The following FHL5 variants were observed in gnomAD, a reference collection of about 807,000 sequenced individuals.
FHL5 encodes the protein four and a half LIM domains 5, also known as four and a half LIM domains protein 5.
FHL5 carries 33 observed loss-of-function variants against 32.0 expected under a neutral mutation model. The observed-to-expected ratio is 1.03, with a 90% CI of 0.78 to 1.38. The LOEUF (loss-of-function observed/expected upper bound fraction) is 1.38. FHL5 is among the 40% of genes most tolerant of loss of function. The probability of loss-of-function intolerance (pLI) is 0.00; values close to 1 mark genes in which losing one functional copy is unlikely to be tolerated. For synonymous variants in FHL5, 114 were observed against 113.6 expected (o/e 1.00, Z -0.02); for missense variants, 336 against 343.9 (o/e 0.98, Z 0.18).
intron 1 of FHL5, among the ~76,000 whole-genome samples, chr6:96,590,848 G>C (rs1770901286): frequency 6.6e-6 from 1 of 151,958 alleles, no homozygotes; most frequent in South Asian, 2.1e-4. Context: ...TAATTTTACA[G>C]CTTTCACTTT....
intron 1 of FHL5, among the ~76,000 whole-genome samples, chr6:96,576,032 C>T (rs577346487): frequency 6.6e-5 from 10 of 152,302 alleles, no homozygotes; most frequent in African/African-American, 2.4e-4. Flanking sequence ...GCAGACCACT[C>T]CCCTGCTCAT....
chr6:96,570,266 AT>A (rs778038015), intron 1 of FHL5, among the ~76,000 whole-genome samples: 3 of 151,612 alleles, frequency 2.0e-5, no homozygotes, highest in Non-Finnish European at 2.9e-5. Context: ...TTAGCTAGCA[AT>A]TTTTTTTCTT....
At chr6:96,589,593 GTTAA>G (rs1235270392) in intron 1 of FHL5, among the ~76,000 whole-genome samples, 2 of 151,762 alleles carry the variant, frequency 1.3e-5, no homozygotes, top group Non-Finnish European at 2.9e-5. Flanking sequence ...TGACTTCTTT[GTTAA>G]TTAATGAATT....
chr6:96,600,424 C>T (rs1320790888), intron 1 of FHL5, among the ~76,000 whole-genome samples: 5 of 152,146 alleles, frequency 3.3e-5, no homozygotes, highest in Admixed American at 2.0e-4. Flanking sequence ...TCTCTTTTCC[C>T]TTCCTCAATA....
chr6:96,593,288 C>A (rs1770960832), intron 1 of FHL5, among the ~76,000 whole-genome samples: 1 of 152,090 alleles, frequency 6.6e-6, no homozygotes, highest in South Asian at 2.1e-4. Flanking sequence ...ACTCCAAAAT[C>A]TATGGCTTCC....
intron 4 of FHL5, among the ~76,000 whole-genome samples, chr6:96,607,003 T>C (rs1269110828): frequency 1.3e-5 from 2 of 152,114 alleles, no homozygotes; most frequent in East Asian, 1.9e-4. Context: ...CAGGATCATG[T>C]AGGGCCTTCT....
chr6:96,587,506 T>TA (rs200480729), intron 1 of FHL5, among the ~76,000 whole-genome samples: 5,742 of 152,190 alleles, frequency 0.038, 139 homozygotes, highest in African/African-American at 0.052. Context: ...TGTTGAGAAA[T>TA]AAATTTATAT....
chr6:96,599,858 T>A (rs1187872282), intron 1 of FHL5, among the ~76,000 whole-genome samples: 1 of 152,208 alleles, frequency 6.6e-6, no homozygotes, highest in Non-Finnish European at 1.5e-5. Context: ...AGCTCATAAA[T>A]AAGAACAGCT....
chr6:96,581,128 A>G (rs1438460422), intron 1 of FHL5, among the ~76,000 whole-genome samples: 1 of 152,176 alleles, frequency 6.6e-6, no homozygotes, highest in Non-Finnish European at 1.5e-5. Context: ...AGCACTCTGC[A>G]GAGTTCCTCT....
Position 96,606,033 on chromosome 6 carries a change from GAGA to G in FHL5, c.469_471del (p.Lys157del). The G allele has an allele frequency of 1.9e-6, 3 of 1,614,062 alleles. No homozygotes were observed. The highest frequency in any genetic ancestry group is 2.2e-5 in the East Asian group (1 of 44,872). On this transcript the variant is annotated inframe_deletion, in exon 4 of 6. Transcript: ENST00000450218. ...TGGCAATTATTGTGTGCCATGTTTT[GAGA>G]AGGAGTTTGCTCACTACTGCAACTT...
chr6:96,602,811 C>T (rs1245704007), intron 1 of FHL5, among the ~76,000 whole-genome samples: 1 of 152,078 alleles, frequency 6.6e-6, no homozygotes, highest in Non-Finnish European at 1.5e-5. Flanking sequence ...TGAAGGAACC[C>T]ATTGTTGTTT....
intron 4 of FHL5, among the ~76,000 whole-genome samples, chr6:96,608,715 C>G (rs1771336432): frequency 6.6e-6 from 1 of 152,166 alleles, no homozygotes; most frequent in Admixed American, 6.5e-5. Context: ...ATTGCCCCCA[C>G]TTTTTCACAG....
chr6:96,605,638 C>T (rs12530462), intron 3 of FHL5, among the ~76,000 whole-genome samples: 23,716 of 152,092 alleles, frequency 0.16, 2,029 homozygotes, highest in Middle Eastern at 0.25. Context: ...AGTACTTTTA[C>T]ATCTCCAGAT....
intron 2 of FHL5, among the ~76,000 whole-genome samples, chr6:96,604,242 ATTCT>A (rs371303898): frequency 0.018 from 2,652 of 151,274 alleles, 64 homozygotes; most frequent in African/African-American, 0.06. Flanking sequence ...CGACATGCTT[ATTCT>A]TTCTTTCTTT....
chr6:96,593,985 C>A (rs1770975258), intron 1 of FHL5, among the ~76,000 whole-genome samples: 1 of 151,584 alleles, frequency 6.6e-6, no homozygotes, highest in African/African-American at 2.4e-5. Flanking sequence ...AGTGAATTTT[C>A]TCTTTATGCA....
chr6:96,568,705 C>T (rs955457881), intron 1 of FHL5, among the ~76,000 whole-genome samples: 6 of 151,754 alleles, frequency 4.0e-5, no homozygotes, highest in Non-Finnish European at 7.4e-5. Flanking sequence ...TTGTTTGTGT[C>T]CAGGAATTTA....
intron 1 of FHL5, among the ~76,000 whole-genome samples, chr6:96,566,006 CA>C (rs1203137119): frequency 6.6e-6 from 1 of 151,992 alleles, no homozygotes; most frequent in Non-Finnish European, 1.5e-5. Flanking sequence ...GTGTTGGGAA[CA>C]TTTACAATCC....
At chr6:96,606,424 T>C (rs1326049261) in intron 4 of FHL5, among the ~76,000 whole-genome samples, 1 of 152,182 alleles carries the variant, frequency 6.6e-6, no homozygotes, top group African/African-American at 2.4e-5. Context: ...CAATCTCGGC[T>C]CACTGCAACC....
intron 5 of FHL5, among the ~76,000 whole-genome samples, chr6:96,613,678 C>G (rs1427570085): frequency 6.6e-6 from 1 of 152,194 alleles, no homozygotes; most frequent in East Asian, 1.9e-4. Context: ...AAGATAAACT[C>G]AAACTTAGTT....
Sources: gnomAD v4.1 joint callset for allele counts (sites outside exome capture counted in the v4.1 genomes callset) on GRCh38, gnomAD v4.1.1 for gene constraint, MANE v1.5 for transcripts, NCBI Gene and HGNC (gene_info 2026-07-23, HGNC 2026-07-21) for gene names.